Variants in ADGRL2 observed in about 807,000 individuals in gnomAD.
The protein encoded by ADGRL2 is calcium-independent alpha-latrotoxin receptor 2.
In ADGRL2, 44 loss-of-function variants were observed where a neutral mutation model predicts 157.4. The observed-to-expected ratio is 0.28, with a 90% CI of 0.22 to 0.36. The LOEUF is 0.36. ADGRL2 is among the 10% of genes least tolerant of loss of function. The pLI, the probability that ADGRL2 is intolerant of heterozygous loss-of-function variation, is 1.00. For synonymous variants in ADGRL2, 585 were observed against 624.7 expected, an observed-to-expected ratio of 0.94 and a Z score of 0.95; for missense variants, 1,510 against 1,768.9, an observed-to-expected ratio of 0.85 and a Z score of 2.63.
At position 81,400,178 on chromosome 1, in the gene ADGRL2, C is replaced by G. The variant is rs145531964; in HGVS notation, c.-301-44858C>G. ...GGGTCCTTCTGTTCCCATTTCCCCC[C>G]AGTGGAAAGTCTTATCTTAGGGTAT... is the stretch of plus-strand genomic sequence containing the variant. On this transcript the variant is annotated intron_variant, in intron 1 of 24. Coordinates refer to the ADGRL2 transcript ENST00000370721. Among the ~76,000 whole-genome samples, 333 of 152,112 alleles carry G rather than the reference C, an allele frequency of 2.2e-3. 4 individuals are homozygous for G. In the East Asian group the frequency reaches 0.026, roughly 12 times the overall value.
chr1:81,352,652 G>A (rs1293551815), intron 1 of ADGRL2, among the ~76,000 whole-genome samples: 2 of 152,136 alleles, frequency 1.3e-5, no homozygotes, highest in South Asian at 2.1e-4. Context: ...CTTAAGATAT[G>A]CCATGTGAGA....
rs1444821138 is a variant in ADGRL2 at position 81,503,355 on chromosome 1, T to A, written c.-248+58266T>A. The A allele has an allele frequency of 2.5e-6, 4 of 1,613,830 alleles. No homozygotes were observed. The East Asian group carries it at 8.9e-5, about 36-fold the overall frequency. ...TGGTCCACCTCATCACGGGGTCTGC[T>A]CCCCAGAGCCTCGGCAGCAGCGCCA... On this transcript the variant is annotated intron_variant, in intron 2 of 24. Transcript: ENST00000370721.
intron 3 of ADGRL2, among the ~76,000 whole-genome samples, chr1:81,685,470 G>C (rs1251371792): frequency 6.6e-6 from 1 of 151,976 alleles, no homozygotes; most frequent in Non-Finnish European, 1.5e-5. Context: ...CTACTGAATT[G>C]TGTGCATTAA....
chr1:81,655,096 G>C (rs747807504), intron 3 of ADGRL2, among the ~76,000 whole-genome samples: 2 of 152,178 alleles, frequency 1.3e-5, no homozygotes, highest in Non-Finnish European at 2.9e-5. Flanking sequence ...GGGGGCAAGA[G>C]GGGCTGGCTC....
At chr1:81,858,582 T>A (rs1361943038) in intron 2 of ADGRL2, among the ~76,000 whole-genome samples, 1 of 152,126 alleles carries the variant, frequency 6.6e-6, no homozygotes, top group East Asian at 1.9e-4. Context: ...ACATGACACA[T>A]CCTTACCTCT....
In ADGRL2 at chr1:81,993,087, ATTTTTTTTTTTTTTTT is replaced by A. The variant is rs71085382; in HGVS notation, c.*1959_*1974del. Reference sequence around the variant, plus strand: ...TATATATATATATATATATATATATATTTTTTTTTTTTTTTTTTTTTTTTTTTTTTTTGGGACAGAG... The same window carrying A: ...TATATATATATATATATATATATATATTTTTTTTTTTTTTTTGGGACAGAG... On this transcript the variant is annotated 3_prime_UTR_variant, in exon 24 of 24. Transcript: ENST00000686636. Among the ~76,000 whole-genome samples, 1 of 29,198 alleles carries A rather than the reference ATTTTTTTTTTTTTTTT, an allele frequency of 3.4e-5. No homozygotes were observed. The highest frequency in any genetic ancestry group is 1.7e-4 in the African/African-American group (1 of 5,752). The allele number at this position is 29,198 out of a possible 152,430, so 19.2% of individuals were successfully genotyped here. A position where few individuals can be genotyped will look rare whatever the true frequency, so the allele number is the denominator to read the frequency against.
intron 1 of ADGRL2, among the ~76,000 whole-genome samples, chr1:81,323,674 T>C (rs1292707014): frequency 1.3e-5 from 2 of 151,890 alleles, no homozygotes; most frequent in Admixed American, 1.3e-4. Flanking sequence ...AAAGCTACAA[T>C]GAAAAAATAA....
intron 2 of ADGRL2, among the ~76,000 whole-genome samples, chr1:81,888,068 C>A (rs1373725105): frequency 6.6e-6 from 1 of 152,118 alleles, no homozygotes; most frequent in Non-Finnish European, 1.5e-5. Context: ...GCTGTCAAAC[C>A]CATTCAGCCT....
At chr1:81,681,240 C>A (rs2083106885) in intron 3 of ADGRL2, among the ~76,000 whole-genome samples, 1 of 152,172 alleles carries the variant, frequency 6.6e-6, no homozygotes, top group African/African-American at 2.4e-5. Flanking sequence ...TGAGAACCTG[C>A]AGAAGGGATG....
intron 2 of ADGRL2, among the ~76,000 whole-genome samples, chr1:81,864,264 T>C (rs1339691554): frequency 6.6e-6 from 1 of 151,850 alleles, no homozygotes; most frequent in African/African-American, 2.4e-5. Context: ...AAGAAGTTTT[T>C]TTTAAATGGG....
chr1:81,363,024 A>C, intron 1 of ADGRL2, among the ~76,000 whole-genome samples: 1 of 152,078 alleles, frequency 6.6e-6, no homozygotes, highest in Non-Finnish European at 1.5e-5. Flanking sequence ...TAATTATTTT[A>C]CTTATCAGAA....
chr1:81,869,379 G>A lies in ADGRL2; in HGVS notation c.73+32322G>A, dbSNP rs556923574. Among the ~76,000 whole-genome samples the A allele has an allele frequency of 1.7e-3, 266 of 152,082 alleles. 1 individual carries two copies. Among genetic ancestry groups the A allele is most frequent in the African/African-American group, 6.2e-3 (258 of 41,496 alleles). On this transcript the variant is annotated intron_variant, in intron 2 of 23. Coordinates refer to ENST00000686636, the MANE Select transcript of ADGRL2 (RefSeq NM_001366006.2). ...AAAGAGACTGGAAGGCCCTTGCTAC[G>A]TTACTTTAAACTACAGTATAAAGAT...
At chr1:81,869,962 G>A (rs1172425713) in intron 2 of ADGRL2, among the ~76,000 whole-genome samples, 2 of 151,916 alleles carry the variant, frequency 1.3e-5, no homozygotes, top group Non-Finnish European at 1.5e-5. Context: ...AAACAGTAGT[G>A]CTATATATCA....
intron 3 of ADGRL2, among the ~76,000 whole-genome samples, chr1:81,911,176 G>A (rs1261869174): frequency 1.3e-5 from 2 of 152,026 alleles, no homozygotes; most frequent in African/African-American, 2.4e-5. Flanking sequence ...GGCTCTAGTA[G>A]TAACTGATTA....
At chr1:81,718,038 G>A (rs1483236899) in intron 1 of ADGRL2, among the ~76,000 whole-genome samples, 2 of 152,120 alleles carry the variant, frequency 1.3e-5, no homozygotes, top group Admixed American at 6.6e-5. Context: ...TAGTCTATAA[G>A]GTATGTGTGT....
chr1:81,515,801 A>T (rs572829997), intron 2 of ADGRL2, among the ~76,000 whole-genome samples: 21 of 152,300 alleles, frequency 1.4e-4, no homozygotes, highest in African/African-American at 4.1e-4. Context: ...ATAAGATTAT[A>T]CAGCACATAC....
intron 1 of ADGRL2, among the ~76,000 whole-genome samples, chr1:81,342,045 G>A (rs757497269): frequency 1.3e-5 from 2 of 152,118 alleles, no homozygotes; most frequent in African/African-American, 2.4e-5. Context: ...ACTAGACTTA[G>A]TTAGTGACAG....
intron 3 of ADGRL2, among the ~76,000 whole-genome samples, chr1:81,910,295 A>G (rs2094690110): frequency 6.7e-6 from 1 of 148,564 alleles, no homozygotes; most frequent in African/African-American, 2.5e-5. Context: ...AGAAAGGTAG[A>G]GATGAATATA....
In ADGRL2 at chr1:81,956,016, A is replaced by G. The variant is rs779067381; in HGVS notation, c.1973A>G (p.Asn658Ser). The change falls in exon 11 of 24, where the codon AAT becomes AGT. Residue 658 changes from asparagine to serine, a missense_variant. Asn to Ser is a conservative substitution (Grantham distance 46). Around this residue, in one of 4 missense-constraint regions of ADGRL2, gnomAD observed 325 missense variants for 333.2 expected, o/e 0.98. Transcript: ENST00000686636. The part of the protein sequence containing the change: ...LEEGAFVLAD[N>S]LLEPTRVSMP... ...GAAGGAGCTTTTGTCCTAGCTGACA[A>G]TCTTTTAGAACCAACAAGGGTCTCA... 2.5e-6 allele frequency: 4 copies of G among 1,611,500 alleles called. No individual in the cohort carries two copies. Among genetic ancestry groups the G allele is most frequent in the South Asian group, 2.2e-5 (2 of 90,448 alleles).
Sources: allele counts gnomAD v4.1 joint callset (sites outside exome capture counted in the v4.1 genomes callset), GRCh38; gene constraint gnomAD v4.1.1; regional missense constraint gnomAD v4.1.1; transcripts MANE v1.5; gene names NCBI Gene and HGNC (gene_info 2026-07-23, HGNC 2026-07-21).